The following DTD1 variants were observed in gnomAD, a reference collection of about 807,000 sequenced individuals.
DTD1 encodes the protein D-aminoacyl-tRNA deacylase 1.
In DTD1, 13 loss-of-function variants were observed where a neutral mutation model predicts 25.6. That is an observed-to-expected ratio of 0.51 (90% CI 0.33 to 0.81). The LOEUF (loss-of-function observed/expected upper bound fraction) is 0.81. Ranked by LOEUF, DTD1 falls within the 30% of genes least tolerant of loss-of-function variation. The probability of loss-of-function intolerance (pLI) is 0.02; values close to 1 mark genes in which losing one functional copy is unlikely to be tolerated. For synonymous variants in DTD1, 110 were observed against 103.6 expected, an observed-to-expected ratio of 1.06 and a Z score of -0.37; for missense variants, 193 against 266.4, an observed-to-expected ratio of 0.72 and a Z score of 1.92.
At chr20:18,699,501 C>T (rs7262195) in intron 4 of DTD1, among the ~76,000 whole-genome samples, 54,963 of 152,052 alleles carry the variant, frequency 0.36, 10,263 homozygotes, top group Non-Finnish European at 0.41. Context: ...TGGGGAGGTC[C>T]GGCCTTCAAG....
intron 4 of DTD1, among the ~76,000 whole-genome samples, chr20:18,637,017 C>T (rs915907724): frequency 6.6e-6 from 1 of 152,140 alleles, no homozygotes; most frequent in Non-Finnish European, 1.5e-5. Context: ...ATGTTTCTAA[C>T]CAGGTCTTTG....
At chr20:18,651,841 A>G (rs545034853) in intron 4 of DTD1, among the ~76,000 whole-genome samples, 1 of 152,340 alleles carries the variant, frequency 6.6e-6, no homozygotes, top group South Asian at 2.1e-4. Context: ...GCCCCAAAAG[A>G]TTAGGGCATA....
chr20:18,675,520 T>A (rs1386320318), intron 4 of DTD1: 1 of 152,028 alleles, frequency 6.6e-6, no homozygotes, highest in Non-Finnish European at 1.5e-5. Flanking sequence ...GGTGGCTGCC[T>A]GGGCATAATA....
chr20:18,675,794 A>T (rs2060969114), intron 4 of DTD1, among the ~76,000 whole-genome samples: 1 of 151,278 alleles, frequency 6.6e-6, no homozygotes, highest in African/African-American at 2.4e-5. Context: ...ATGTGTAAAT[A>T]TACCTATGTG....
At chr20:18,659,257 G>A (rs1391885635) in intron 4 of DTD1, among the ~76,000 whole-genome samples, 1 of 152,076 alleles carries the variant, frequency 6.6e-6, no homozygotes, top group African/African-American at 2.4e-5. Flanking sequence ...AACAAACTTC[G>A]TCAAAAGCAG....
chr20:18,608,646 T>G (rs548693337), intron 3 of DTD1, among the ~76,000 whole-genome samples: 75 of 152,360 alleles, frequency 4.9e-4, no homozygotes, highest in South Asian at 2.7e-3. Flanking sequence ...TTCAAAACTT[T>G]GTGTGTAGTT....
intron 3 of DTD1, among the ~76,000 whole-genome samples, chr20:18,596,756 T>G (rs1055538810): frequency 1.2e-4 from 19 of 152,112 alleles, no homozygotes; most frequent in Admixed American, 9.2e-4. Flanking sequence ...AATAAAGGCT[T>G]TATTTGATTA....
At chr20:18,638,300 C>T (rs1045764270) in intron 4 of DTD1, among the ~76,000 whole-genome samples, 1 of 152,048 alleles carries the variant, frequency 6.6e-6, no homozygotes, top group African/African-American at 2.4e-5. Flanking sequence ...CTGTGCTGGC[C>T]CTGCATGTAG....
At chr20:18,688,084 A>G (rs2061024605) in intron 4 of DTD1, among the ~76,000 whole-genome samples, 1 of 152,244 alleles carries the variant, frequency 6.6e-6, no homozygotes, top group Admixed American at 6.5e-5. Flanking sequence ...ATTTCTTTTA[A>G]TTAATAAAAC....
intron 4 of DTD1, among the ~76,000 whole-genome samples, chr20:18,636,875 G>T (rs567510808): frequency 6.6e-6 from 1 of 152,276 alleles, no homozygotes; most frequent in African/African-American, 2.4e-5. Context: ...TTCCTCAAAC[G>T]GCAGACTGAG....
At chr20:18,650,498 C>T (rs551522583) in intron 4 of DTD1, among the ~76,000 whole-genome samples, 14 of 152,352 alleles carry the variant, frequency 9.2e-5, no homozygotes, top group South Asian at 6.2e-4. Context: ...GAGCACCCTA[C>T]TTCATGCTGC....
chr20:18,601,383 C>T (rs181291308), intron 3 of DTD1, among the ~76,000 whole-genome samples: 1 of 151,874 alleles, frequency 6.6e-6, no homozygotes, highest in African/African-American at 2.4e-5. Context: ...CCTGTAATCC[C>T]AGTTACTTGG....
intron 4 of DTD1, among the ~76,000 whole-genome samples, chr20:18,720,807 G>A (rs181940118): frequency 3.3e-5 from 5 of 152,274 alleles, no homozygotes; most frequent in Non-Finnish European, 5.9e-5. Flanking sequence ...GCAGTGAGCC[G>A]AGATCAAACC....
intron 4 of DTD1, among the ~76,000 whole-genome samples, chr20:18,707,340 A>C (rs1429283604): frequency 6.6e-6 from 1 of 152,204 alleles, no homozygotes; most frequent in Non-Finnish European, 1.5e-5. Context: ...CCACACACAC[A>C]GTTGTTGTTT....
In DTD1 at chr20:18,659,935, A is replaced by G. The variant is rs184067535; in HGVS notation, c.477+31702A>G. ...TTTAAAAAAGAAAGAAAGAAAGAAA[A>G]AAAATATTTTTTTACCAGCTGGGCA... On this transcript the variant is annotated intron_variant, in intron 4 of 5. Coordinates refer to ENST00000377452, the MANE Select transcript of DTD1 (RefSeq NM_080820.6). Among the ~76,000 whole-genome samples, 26 of 129,188 alleles carry G rather than the reference A, an allele frequency of 2.0e-4. No individual in the cohort carries two copies. The East Asian group carries it at 4.1e-3, about 20-fold the overall frequency. The allele number at this position is 129,188 out of a possible 152,430, so 84.8% of individuals were successfully genotyped here. A position where few individuals can be genotyped will look rare whatever the true frequency, so the allele number is the denominator to read the frequency against.
At chr20:18,699,373 C>T (rs941554253) in intron 4 of DTD1, among the ~76,000 whole-genome samples, 1 of 152,036 alleles carries the variant, frequency 6.6e-6, no homozygotes, top group Non-Finnish European at 1.5e-5. Flanking sequence ...ACAGAGAAGG[C>T]CAGAGAAGTG....
At chr20:18,666,914 T>C (rs949324078) in intron 4 of DTD1, among the ~76,000 whole-genome samples, 1 of 152,196 alleles carries the variant, frequency 6.6e-6, no homozygotes, top group Admixed American at 6.5e-5. Flanking sequence ...ACAAGGGATT[T>C]GTACCGAATT....
At chr20:18,638,426 G>A (rs16979437) in intron 4 of DTD1, among the ~76,000 whole-genome samples, 14,294 of 152,218 alleles carry the variant, frequency 0.094, 839 homozygotes, top group East Asian at 0.26. Flanking sequence ...ATCAAACAGG[G>A]TTAGGTGTAG....
chr20:18,707,754 C>T (rs919713763), intron 4 of DTD1, among the ~76,000 whole-genome samples: 13 of 152,176 alleles, frequency 8.5e-5, no homozygotes, highest in Admixed American at 5.9e-4. Context: ...GTAACACACA[C>T]GCGCGCACAC....
Sources: allele counts gnomAD v4.1 joint callset (sites outside exome capture counted in the v4.1 genomes callset), GRCh38; gene constraint gnomAD v4.1.1; transcripts MANE v1.5; gene names NCBI Gene and HGNC (gene_info 2026-07-23, HGNC 2026-07-21).